ST7L: variants seen among roughly 807,000 people sequenced by gnomAD.
ST7L encodes the protein suppressor of tumorigenicity 7 protein-like.
A neutral mutation model predicts 72.5 loss-of-function variants in ST7L; 57 were observed. The observed-to-expected ratio is 0.79, with a 90% CI of 0.64 to 0.98. The LOEUF is 0.98. Ranked by LOEUF, ST7L falls within the 50% of genes least tolerant of loss-of-function variation. ST7L has a pLI of 0.00. For missense variants in ST7L, 576 were observed against 672.2 expected (o/e 0.86, Z 1.58); for synonymous variants, 221 against 240.9 (o/e 0.92, Z 0.77).
intron 2 of ST7L, among the ~76,000 whole-genome samples, chr1:112,615,591 C>T (rs1470476599): frequency 1.3e-5 from 2 of 152,184 alleles, no homozygotes; most frequent in Non-Finnish European, 2.9e-5. Flanking sequence ...GGGAGGATGG[C>T]TTGAGCCCAG....
intron 13 of ST7L, among the ~76,000 whole-genome samples, chr1:112,547,561 CTTTTTTTTT>C (rs59755766): frequency 6.4e-5 from 4 of 62,028 alleles, no homozygotes; most frequent in East Asian, 6.4e-4. Context: ...TCTTTGTCAT[CTTTTTTTTT>C]TTTTTTTTTT....
intron 9 of ST7L, among the ~76,000 whole-genome samples, chr1:112,580,867 G>A (rs1423110705): frequency 6.6e-6 from 1 of 152,230 alleles, no homozygotes; most frequent in Admixed American, 6.5e-5. Flanking sequence ...AGCGGAGCTT[G>A]CAGTGAGCCG....
chr1:112,555,663 C>T (rs549944412), intron 12 of ST7L, among the ~76,000 whole-genome samples: 1 of 152,168 alleles, frequency 6.6e-6, no homozygotes, highest in South Asian at 2.1e-4. Context: ...AATACCATAA[C>T]AATTTCTCAT....
chr1:112,610,834 T>C lies in ST7L; in HGVS notation c.451+7A>G, dbSNP rs767712186. The C allele has an allele frequency of 5.0e-6, 8 of 1,613,068 alleles. No homozygotes were observed. The African/African-American group carries it at 5.3e-5, about 11-fold the overall frequency. Reference sequence around the variant, plus strand: ...CAGCTCTGAAAACACATTAGAAAAGTAGTCACCTGACAAATTCTGTCTGCT... The same window carrying C: ...CAGCTCTGAAAACACATTAGAAAAGCAGTCACCTGACAAATTCTGTCTGCT... On this transcript the variant is annotated splice_region_variant and intron_variant, in intron 3 of 14. Coordinates refer to ENST00000358039, the MANE Select transcript of ST7L (RefSeq NM_017744.5).
At chr1:112,577,449 G>GT (rs1361822192) in intron 10 of ST7L, among the ~76,000 whole-genome samples, 1 of 144,274 alleles carries the variant, frequency 6.9e-6, no homozygotes, top group Non-Finnish European at 1.5e-5. Context: ...AGAATCACTT[G>GT]TACCCGGGAG....
intron 14 of ST7L, among the ~76,000 whole-genome samples, chr1:112,534,498 C>A (rs1361692784): frequency 6.6e-6 from 1 of 152,062 alleles, no homozygotes; most frequent in African/African-American, 2.4e-5. Flanking sequence ...AAAAATGAAG[C>A]ACTAACTGAA....
intron 9 of ST7L, among the ~76,000 whole-genome samples, chr1:112,581,692 A>T (rs1664149347): frequency 6.6e-6 from 1 of 152,160 alleles, no homozygotes; most frequent in Non-Finnish European, 1.5e-5. Flanking sequence ...TACAGGTGTG[A>T]GCCACCATGC....
chr1:112,542,104 T>C lies in ST7L; in HGVS notation c.1490-14A>G. Reference sequence around the variant, plus strand: ...CATGATGAAAGGCTGCAATGGAGAATAGGTAAGAATCAATTTTATTTCAGA... The same window carrying C: ...CATGATGAAAGGCTGCAATGGAGAACAGGTAAGAATCAATTTTATTTCAGA... On this transcript the variant is annotated splice_polypyrimidine_tract_variant and intron_variant, in intron 13 of 14. Coordinates refer to ENST00000358039, the MANE Select transcript of ST7L (RefSeq NM_017744.5). 5 of 1,580,092 alleles carry C rather than the reference T, an allele frequency of 3.2e-6. No homozygotes were observed. The highest frequency in any genetic ancestry group is 4.3e-6 in the Non-Finnish European group (5 of 1,164,686).
At chr1:112,562,850 G>A (rs1168295980) in intron 11 of ST7L, among the ~76,000 whole-genome samples, 5 of 152,156 alleles carry the variant, frequency 3.3e-5, no homozygotes, top group Admixed American at 3.3e-4. Context: ...GAGAAGGGCT[G>A]ATGGCAGAAA....
At chr1:112,599,943 G>A (rs1401246028) in intron 4 of ST7L, among the ~76,000 whole-genome samples, 2 of 152,190 alleles carry the variant, frequency 1.3e-5, no homozygotes, top group Non-Finnish European at 2.9e-5. Flanking sequence ...GGTGGCTCAT[G>A]CTTGTAATTC....
chr1:112,539,583 A>G (rs1167319538), intron 14 of ST7L: 1 of 556,900 alleles, frequency 1.8e-6, no homozygotes, highest in South Asian at 7.8e-5. Flanking sequence ...TTGAACCTAG[A>G]AGGCGGAGGT....
intron 14 of ST7L, chr1:112,527,723 G>T (rs773051932): frequency 6.6e-6 from 1 of 152,462 alleles, no homozygotes; most frequent in Non-Finnish European, 1.5e-5. Context: ...CTTCTTGAAG[G>T]TGTCTAAGTA....
chr1:112,545,245 T>C (rs1656855394), intron 13 of ST7L, among the ~76,000 whole-genome samples: 1 of 151,908 alleles, frequency 6.6e-6, no homozygotes, highest in East Asian at 1.9e-4. Flanking sequence ...TCCTACCTTC[T>C]GGAGTTTGCA....
At chr1:112,600,004 G>A (rs1364964258) in intron 4 of ST7L, among the ~76,000 whole-genome samples, 1 of 152,072 alleles carries the variant, frequency 6.6e-6, no homozygotes, top group African/African-American at 2.4e-5. Flanking sequence ...CAGAAGTTTG[G>A]GACCAACCTT....
chr1:112,533,933 G>A (rs897411128), intron 14 of ST7L, among the ~76,000 whole-genome samples: 1 of 152,104 alleles, frequency 6.6e-6, no homozygotes, highest in Non-Finnish European at 1.5e-5. Flanking sequence ...TCCCACCTCA[G>A]CCTCCCAAAG....
intron 7 of ST7L, among the ~76,000 whole-genome samples, chr1:112,583,360 T>TA (rs976346812): frequency 5.8e-4 from 88 of 151,700 alleles, no homozygotes; most frequent in Middle Eastern, 3.4e-3. Flanking sequence ...ACATCTTTGG[T>TA]AAAAAAAAAT....
At chr1:112,576,297 C>T (rs966468840) in intron 11 of ST7L, among the ~76,000 whole-genome samples, 3 of 152,052 alleles carry the variant, frequency 2.0e-5, no homozygotes, top group Non-Finnish European at 4.4e-5. Flanking sequence ...ACCACATTGC[C>T]CAGCCGCTAG....
At chr1:112,565,211 ATT>A (rs777969643) in intron 11 of ST7L, among the ~76,000 whole-genome samples, 179 of 57,890 alleles carry the variant, frequency 3.1e-3, no homozygotes, top group African/African-American at 0.012. Flanking sequence ...TGTTCGGCTA[ATT>A]TTTTTTTTTT....
intron 2 of ST7L, among the ~76,000 whole-genome samples, chr1:112,614,820 T>G (rs572961664): frequency 5.3e-5 from 8 of 152,270 alleles, no homozygotes; most frequent in African/African-American, 1.7e-4. Flanking sequence ...AGAGAAAAAT[T>G]TATTGGCTAT....
Sources: gnomAD v4.1 joint callset for allele counts (sites outside exome capture counted in the v4.1 genomes callset) on GRCh38, gnomAD v4.1.1 for gene constraint, MANE v1.5 for transcripts, NCBI Gene and HGNC (gene_info 2026-07-23, HGNC 2026-07-21) for gene names.